The following NANOS1 variants were observed in gnomAD, a reference collection of about 807,000 sequenced individuals.
NANOS1 encodes the protein nanos homolog 1.
NANOS1 carries 1 observed loss-of-function variant against 1.1 expected under a neutral mutation model. That is an observed-to-expected ratio of 0.88 (90% CI 0.31 to 4.20). The LOEUF (loss-of-function observed/expected upper bound fraction) is 4.20, where lower values mean the gene tolerates loss of function less well. Ranked by LOEUF, NANOS1 falls within the 30% of genes most tolerant of loss-of-function variation. The pLI is 0.17. For synonymous variants in NANOS1, 252 were observed against 230.6 expected (o/e 1.09, Z -0.84); for missense variants, 537 against 457.9 (o/e 1.17, Z -1.58).
At position 119,030,063 on chromosome 10, in the gene NANOS1, C is replaced by G. The variant is rs951601125; in HGVS notation, c.262C>G (p.His88Asp). 5.3e-6 allele frequency: 7 copies of G among 1,330,278 alleles called. No individual in the cohort carries two copies. The highest frequency in any genetic ancestry group is 3.1e-5 in the East Asian group (1 of 31,982). 82.4% of individuals were successfully genotyped at this position (1,330,278 alleles called of 1,614,324 possible). A position where few individuals can be genotyped will look rare whatever the true frequency, so the allele number is the denominator to read the frequency against. Residue 88 changes from histidine to aspartate, a missense_variant, in exon 1 of 1, where the codon CAC (histidine) becomes GAC (aspartate). Coordinates refer to ENST00000425699, the MANE Select transcript of NANOS1 (RefSeq NM_199461.4). The surrounding 1 kb of genome is among the most constrained non-coding windows in gnomAD (Gnocchi z 5.3). ...CTCCTCGTCGTCCTGCTGCTCCCCC[C>G]ACACGGGGGCCGGGCCTGGGGCGCT... ...SSSSSSCCSP[H>D]TGAGPGALGP...
chr10:119,030,908 T>C lies in NANOS1; in HGVS notation c.*228T>C, dbSNP rs1848039058. 1 of 564,786 alleles carries C rather than the reference T, an allele frequency of 1.8e-6. No individual in the cohort carries two copies. The highest frequency in any genetic ancestry group is 2.7e-6 in the Non-Finnish European group (1 of 376,842). 35.0% of individuals were successfully genotyped at this position (564,786 alleles called of 1,614,324 possible). On this transcript the variant is annotated 3_prime_UTR_variant, in exon 1 of 1. Transcript: ENST00000425699. The surrounding 1 kb of genome is among the most constrained non-coding windows in gnomAD (Gnocchi z 5.3). ...TTGTCTTCAGTTTCTAGTTTGCACA[T>C]CCAGAACGGCGAAGGCTGGGTGTGT... is the stretch of plus-strand genomic sequence containing the variant.
rs1286582460 is a variant in NANOS1, at chr10:119,031,321, G to C, written c.*641G>C. ...TTGTGGCTTGTTTCTGTCCTAGCTGGAGGTGTAAAATGCACAATGTGTAGC... is the reference window on the plus strand; with the variant it reads ...TTGTGGCTTGTTTCTGTCCTAGCTGCAGGTGTAAAATGCACAATGTGTAGC... On this transcript the variant is annotated 3_prime_UTR_variant, in exon 1 of 1. Coordinates refer to ENST00000425699, the MANE Select transcript of NANOS1 (RefSeq NM_199461.4). The C allele has an allele frequency of 6.0e-6, 1 of 167,100 alleles. No individual in the cohort carries two copies. The highest frequency in any genetic ancestry group is 2.4e-5 in the African/African-American group (1 of 41,460). The allele number at this position is 167,100 out of a possible 1,614,324, so 10.4% of individuals were successfully genotyped here.
At position 119,029,946 on chromosome 10, in the gene NANOS1, C is replaced by G; in HGVS notation, c.145C>G (p.Leu49Val). Residue 49 changes from leucine to valine, a missense_variant, in exon 1 of 1, where the codon CTC becomes GTC. Transcript: ENST00000425699. ...PFSSWNDYLG[L>V]ATLITKAVDG... The stretch of plus-strand genomic sequence containing the variant: ...CAGCTCCTGGAACGACTACCTGGGG[C>G]TCGCCACGCTCATCACCAAAGCGGT... 1 of 1,435,450 alleles carries G rather than the reference C, an allele frequency of 7.0e-7. No individual in the cohort carries two copies. The allele number at this position is 1,435,450 out of a possible 1,614,324, so 88.9% of individuals were successfully genotyped here.
At position 119,030,024 on chromosome 10, in the gene NANOS1, TC is replaced by T. The variant is rs1328625467; in HGVS notation, c.227del (p.Pro76ArgfsTer76). The T allele has an allele frequency of 7.2e-7, 1 of 1,391,298 alleles. No homozygotes were observed. The highest frequency in any genetic ancestry group is 9.3e-7 in the Non-Finnish European group (1 of 1,071,462). The allele number at this position is 1,391,298 out of a possible 1,614,324, so 86.2% of individuals were successfully genotyped here. On this transcript the variant is annotated frameshift_variant, in exon 1 of 1. Transcript: ENST00000425699. LOFTEE classifies it low-confidence loss of function (END_TRUNC). The surrounding 1 kb of genome is among the most constrained non-coding windows in gnomAD (Gnocchi z 5.3). ...CARGGNGGGGSPPSSSSSSCC... is the reference protein window; with the variant it reads ...CARGGNGGGGXPPSSSSSSCC... Reference sequence around the variant, plus strand: ...CCGCGGTGGGAACGGCGGCGGCGGCTCCCCGCCCTCCTCCTCCTCGTCGTCC... The same window carrying T: ...CCGCGGTGGGAACGGCGGCGGCGGCTCCCGCCCTCCTCCTCCTCGTCGTCC...
chr10:119,030,845 C>A lies in NANOS1; in HGVS notation c.*165C>A. 1 of 978,738 alleles carries A rather than the reference C, an allele frequency of 1.0e-6. No homozygotes were observed. The highest frequency in any genetic ancestry group is 1.3e-6 in the Non-Finnish European group (1 of 751,084). 60.6% of individuals were successfully genotyped at this position (978,738 alleles called of 1,614,324 possible). ...AGCAGCCGACCGTGTGGAGTACTTC[C>A]GTGCTGAACGATTGGGACTAGACGC... is the stretch of plus-strand genomic sequence containing the variant. On this transcript the variant is annotated 3_prime_UTR_variant, in exon 1 of 1. Transcript: ENST00000425699. This position sits in a 1 kb window ranked among gnomAD's most constrained non-coding sequence, Gnocchi z 5.3.
rs1848043549 is a variant in NANOS1 at position 119,031,178 on chromosome 10, T to G, written c.*498T>G. The G allele has an allele frequency of 6.0e-6, 1 of 167,628 alleles. No individual in the cohort carries two copies. Among genetic ancestry groups the G allele is most frequent in the African/African-American group, 2.4e-5 (1 of 41,498 alleles). The allele number at this position is 167,628 out of a possible 1,614,324, so 10.4% of individuals were successfully genotyped here. On this transcript the variant is annotated 3_prime_UTR_variant, in exon 1 of 1. Transcript: ENST00000425699. ...TTTGAAGCGAGTTAATATTCTCAGT[T>G]GTCTTTAAAAATCAGTTACTCTAAT...
At position 119,033,417 on chromosome 10, in the gene NANOS1, T is replaced by G. The variant is rs538924186; in HGVS notation, c.*2737T>G. ...AATTACATTTAGAGAAACCCAATTT[T>G]TCAAAGTTTAAGAAATATACAAAGT... On this transcript the variant is annotated 3_prime_UTR_variant, in exon 1 of 1. Coordinates refer to ENST00000425699, the MANE Select transcript of NANOS1 (RefSeq NM_199461.4). 37 of 167,222 alleles carry G rather than the reference T, an allele frequency of 2.2e-4. No individual in the cohort carries two copies. In the East Asian group the frequency reaches 6.9e-3, roughly 31 times the overall value. The allele number at this position is 167,222 out of a possible 1,614,324, so 10.4% of individuals were successfully genotyped here.
At position 119,029,936 on chromosome 10, in the gene NANOS1, CT is replaced by C; in HGVS notation, c.136del (p.Tyr46ThrfsTer106). ...CGCAGCCCTTCAGCTCCTGGAACGA[CT>C]ACCTGGGGCTCGCCACGCTCATCAC... Reference protein sequence around the residue: ...HPQPFSSWNDYLGLATLITKA... With the variant: ...HPQPFSSWNDXLGLATLITKA... On this transcript the variant is annotated frameshift_variant, in exon 1 of 1. Coordinates refer to ENST00000425699, the MANE Select transcript of NANOS1 (RefSeq NM_199461.4). LOFTEE classifies it high-confidence loss of function. The C allele has an allele frequency of 7.0e-7, 1 of 1,434,834 alleles. No individual in the cohort carries two copies. Among genetic ancestry groups the C allele is most frequent in the Non-Finnish European group, 9.1e-7 (1 of 1,094,002 alleles). 88.9% of individuals were successfully genotyped at this position (1,434,834 alleles called of 1,614,324 possible). A position where few individuals can be genotyped will look rare whatever the true frequency, so the allele number is the denominator to read the frequency against.
Position 119,029,815 on chromosome 10 carries a change from C to G in NANOS1, c.14C>G (p.Pro5Arg), listed in dbSNP as rs999145813. Reference sequence around the variant, plus strand: ...CGCAGCCCGCCCATGGAGGCTTTCCCCTGGGCGCCCCGCTCGCCCCGCCGC... The same window carrying G: ...CGCAGCCCGCCCATGGAGGCTTTCCGCTGGGCGCCCCGCTCGCCCCGCCGC... MEAF[P>R]WAPRSPRRGR... The change falls in exon 1 of 1, where the codon CCC becomes CGC. Residue 5 changes from proline to arginine, a missense_variant. Transcript: ENST00000425699. 22 of 1,143,408 alleles carry G rather than the reference C, an allele frequency of 1.9e-5. No individual in the cohort carries two copies. The highest frequency in any genetic ancestry group is 2.1e-5 in the Non-Finnish European group (20 of 935,848). 70.8% of individuals were successfully genotyped at this position (1,143,408 alleles called of 1,614,324 possible).
In NANOS1 at chr10:119,030,034, C is replaced by T; in HGVS notation, c.233C>T (p.Ser78Phe). 1.5e-6 allele frequency: 2 copies of T among 1,378,348 alleles called. No individual in the cohort carries two copies. The highest frequency in any genetic ancestry group is 1.9e-6 in the Non-Finnish European group (2 of 1,065,044). The allele number at this position is 1,378,348 out of a possible 1,614,324, so 85.4% of individuals were successfully genotyped here. The change falls in exon 1 of 1, where the codon TCC becomes TTC. Residue 78 changes from serine to phenylalanine, a missense_variant. Transcript: ENST00000425699. This position sits in a 1 kb window ranked among gnomAD's most constrained non-coding sequence, Gnocchi z 5.3. ...GGNGGGGSPP[S>F]SSSSSCCSPH... ...AACGGCGGCGGCGGCTCCCCGCCCT[C>T]CTCCTCCTCGTCGTCCTGCTGCTCC...
In NANOS1 at chr10:119,030,004, G is replaced by A. The variant is rs1376314040; in HGVS notation, c.203G>A (p.Gly68Asp). ...GAGCCGCGCTTCGGCTGCGCCCGCG[G>A]TGGGAACGGCGGCGGCGGCTCCCCG... ...DGEPRFGCAR[G>D]GNGGGGSPPS... Residue 68 changes from glycine to aspartate, a missense_variant, in exon 1 of 1, where the codon GGT becomes GAT. Gly to Asp is a moderately conservative substitution (Grantham distance 94, BLOSUM62 -1). Transcript: ENST00000425699. The surrounding 1 kb of genome is among the most constrained non-coding windows in gnomAD (Gnocchi z 5.3). 3 of 1,412,898 alleles carry A rather than the reference G, an allele frequency of 2.1e-6. No individual in the cohort carries two copies. Among genetic ancestry groups the A allele is most frequent in the African/African-American group, 3.0e-5 (2 of 66,978 alleles). 87.5% of individuals were successfully genotyped at this position (1,412,898 alleles called of 1,614,324 possible). A position where few individuals can be genotyped will look rare whatever the true frequency, so the allele number is the denominator to read the frequency against.
chr10:119,029,953 C>G lies in NANOS1; in HGVS notation c.152C>G (p.Thr51Arg), dbSNP rs775625451. 9 of 1,433,372 alleles carry G rather than the reference C, an allele frequency of 6.3e-6. No individual in the cohort carries two copies. In the South Asian group the frequency reaches 1.2e-4, roughly 20 times the overall value. The allele number at this position is 1,433,372 out of a possible 1,614,324, so 88.8% of individuals were successfully genotyped here. ...SSWNDYLGLA[T>R]LITKAVDGEP... Reference sequence around the variant, plus strand: ...TGGAACGACTACCTGGGGCTCGCCACGCTCATCACCAAAGCGGTGGACGGC... The same window carrying G: ...TGGAACGACTACCTGGGGCTCGCCAGGCTCATCACCAAAGCGGTGGACGGC... Residue 51 changes from threonine (T) to arginine (R), a missense_variant, in exon 1 of 1, where the codon ACG (threonine) becomes AGG (arginine). Physicochemically the swap from Thr to Arg is moderately conservative, Grantham distance 71. Coordinates refer to ENST00000425699, the MANE Select transcript of NANOS1 (RefSeq NM_199461.4).
chr10:119,030,135 G>C lies in NANOS1; in HGVS notation c.334G>C (p.Asp112His). The C allele has an allele frequency of 3.7e-6, 5 of 1,347,098 alleles. No homozygotes were observed. The highest frequency in any genetic ancestry group is 1.5e-5 in the African/African-American group (1 of 65,578). 83.4% of individuals were successfully genotyped at this position (1,347,098 alleles called of 1,614,324 possible). A position where few individuals can be genotyped will look rare whatever the true frequency, so the allele number is the denominator to read the frequency against. Residue 112 changes from aspartate to histidine, a missense_variant, in exon 1 of 1, where the codon GAC becomes CAC. Transcript: ENST00000425699. The surrounding 1 kb of genome is among the most constrained non-coding windows in gnomAD (Gnocchi z 5.3). The stretch of plus-strand genomic sequence containing the variant: ...CGACTACGACGAGGACGACGACGAC[G>C]ACAGCGACGAGCCGGGGTCCCGGGG... ...PPDYDEDDDD[D>H]SDEPGSRGRY...
Position 119,030,635 on chromosome 10 carries a change from G to A in NANOS1, c.834G>A (p.Pro278=). 1.4e-6 allele frequency: 2 copies of A among 1,436,820 alleles called. No individual in the cohort carries two copies. The highest frequency in any genetic ancestry group is 1.5e-5 in the South Asian group (1 of 65,924). The allele number at this position is 1,436,820 out of a possible 1,614,324, so 89.0% of individuals were successfully genotyped here. ...SKVPPPPARP[P]PRSARDGPPG... is the part of the protein sequence containing the mutation. ...TGCCGCCGCCGCCCGCCCGCCCGCC[G>A]CCCCGCAGCGCCAGGGACGGCCCGC... Residue 278 remains proline (P), a synonymous_variant, in exon 1 of 1, where the codon CCG becomes CCA. Transcript: ENST00000425699. This position sits in a 1 kb window ranked among gnomAD's most constrained non-coding sequence, Gnocchi z 5.3.
In NANOS1 at chr10:119,033,164, C is replaced by T. The variant is rs1848077044; in HGVS notation, c.*2484C>T. 1.2e-5 allele frequency: 2 copies of T among 167,064 alleles called. No homozygotes were observed. Among genetic ancestry groups the T allele is most frequent in the Admixed American group, 1.3e-4 (2 of 15,284 alleles). The allele number at this position is 167,064 out of a possible 1,614,324, so 10.3% of individuals were successfully genotyped here. A position where few individuals can be genotyped will look rare whatever the true frequency, so the allele number is the denominator to read the frequency against. Reference sequence around the variant, plus strand: ...TGAGCCCAGATCACGCCACTGCACTCCAGCCTGAGCAACAGAGCGACTCTG... The same window carrying T: ...TGAGCCCAGATCACGCCACTGCACTTCAGCCTGAGCAACAGAGCGACTCTG... On this transcript the variant is annotated 3_prime_UTR_variant, in exon 1 of 1. Coordinates refer to ENST00000425699, the MANE Select transcript of NANOS1 (RefSeq NM_199461.4).
chr10:119,030,090 G>A lies in NANOS1; in HGVS notation c.289G>A (p.Gly97Arg). Residue 97 changes from glycine to arginine, a missense_variant, in exon 1 of 1, where the codon GGG becomes AGG. By Grantham distance (125) the Gly-to-Arg change is moderately radical. Coordinates refer to ENST00000425699, the MANE Select transcript of NANOS1 (RefSeq NM_199461.4). This position sits in a 1 kb window ranked among gnomAD's most constrained non-coding sequence, Gnocchi z 5.3. Reference protein sequence around the residue: ...PHTGAGPGALGPALGPPDYDE... With the variant: ...PHTGAGPGALRPALGPPDYDE... ...CACGGGGGCCGGGCCTGGGGCGCTGGGGCCGGCGCTGGGGCCGCCCGACTA... is the reference window on the plus strand; with the variant it reads ...CACGGGGGCCGGGCCTGGGGCGCTGAGGCCGGCGCTGGGGCCGCCCGACTA... 2 of 1,311,544 alleles carry A rather than the reference G, an allele frequency of 1.5e-6. No homozygotes were observed. The highest frequency in any genetic ancestry group is 1.9e-6 in the Non-Finnish European group (2 of 1,035,826). 81.2% of individuals were successfully genotyped at this position (1,311,544 alleles called of 1,614,324 possible). A position where few individuals can be genotyped will look rare whatever the true frequency, so the allele number is the denominator to read the frequency against.
Position 119,030,699 on chromosome 10 carries a change from GC to G in NANOS1, c.*22del. Reference sequence around the variant, plus strand: ...GCGCTGAAGGCCCGGGCTCCCGGCCGCCCAGGGTCGCCGCCGCCCCTCGCAC... The same window carrying G: ...GCGCTGAAGGCCCGGGCTCCCGGCCGCCAGGGTCGCCGCCGCCCCTCGCAC... On this transcript the variant is annotated 3_prime_UTR_variant, in exon 1 of 1. Transcript: ENST00000425699. This position sits in a 1 kb window ranked among gnomAD's most constrained non-coding sequence, Gnocchi z 5.3. 1 of 1,276,638 alleles carries G rather than the reference GC, an allele frequency of 7.8e-7. No homozygotes were observed. Among genetic ancestry groups the G allele is most frequent in the Non-Finnish European group, 9.9e-7 (1 of 1,012,532 alleles). The allele number at this position is 1,276,638 out of a possible 1,614,324, so 79.1% of individuals were successfully genotyped here.
chr10:119,029,757 C>G lies in NANOS1; in HGVS notation c.-45C>G. Reference sequence around the variant, plus strand: ...GGCTCGGCGTGTCCCTTCCGTCCGGCCCGCGCCGGCGGCGGGGAGGCGGCG... The same window carrying G: ...GGCTCGGCGTGTCCCTTCCGTCCGGGCCGCGCCGGCGGCGGGGAGGCGGCG... On this transcript the variant is annotated 5_prime_UTR_variant, in exon 1 of 1. Transcript: ENST00000425699. 4.1e-6 allele frequency: 4 copies of G among 967,990 alleles called. No individual in the cohort carries two copies. The highest frequency in any genetic ancestry group is 4.9e-6 in the Non-Finnish European group (4 of 816,656). The allele number at this position is 967,990 out of a possible 1,614,324, so 60.0% of individuals were successfully genotyped here.
chr10:119,031,920 G>A lies in NANOS1; in HGVS notation c.*1240G>A, dbSNP rs1848055557. On this transcript the variant is annotated 3_prime_UTR_variant, in exon 1 of 1. Coordinates refer to ENST00000425699, the MANE Select transcript of NANOS1 (RefSeq NM_199461.4). ...ACCCCACCAGTTTACCCATAAGCAA[G>A]ACTAAACCTGATCCTTGGGCAAAAG... 2 of 167,090 alleles carry A rather than the reference G, an allele frequency of 1.2e-5. No individual in the cohort carries two copies. Among genetic ancestry groups the A allele is most frequent in the African/African-American group, 2.4e-5 (1 of 41,464 alleles). The allele number at this position is 167,090 out of a possible 1,614,324, so 10.4% of individuals were successfully genotyped here.
Sources: gnomAD v4.1 joint callset for allele counts on GRCh38, gnomAD v4.1.1 for gene constraint, Gnocchi (gnomAD v3.1) non-coding constraint, MANE v1.5 for transcripts, NCBI Gene and HGNC (gene_info 2026-07-23, HGNC 2026-07-21) for gene names.